The following CDH12 variants were observed in gnomAD, a reference collection of about 807,000 sequenced individuals.
The protein encoded by CDH12 is cadherin-12.
CDH12 carries 41 observed loss-of-function variants against 74.1 expected under a neutral mutation model. The ratio of observed to expected loss-of-function variants is 0.55; its 90% CI spans 0.43 to 0.72. The LOEUF is 0.72. Among genes scored for constraint, CDH12 ranks in the 30% least tolerant of loss-of-function variants. The probability of loss-of-function intolerance (pLI) is 0.00; values close to 1 mark genes in which losing one functional copy is unlikely to be tolerated. For synonymous variants in CDH12, 399 were observed against 355.0 expected, an observed-to-expected ratio of 1.12 and a Z score of -1.39; for missense variants, 945 against 977.2, an observed-to-expected ratio of 0.97 and a Z score of 0.44.
At chr5:22,805,470 G>T (rs1441288204) in intron 1 of CDH12, among the ~76,000 whole-genome samples, 1 of 151,948 alleles carries the variant, frequency 6.6e-6, no homozygotes, top group African/African-American at 2.4e-5. Flanking sequence ...TTGAGAAATA[G>T]TATATAGAAA....
intron 1 of CDH12, among the ~76,000 whole-genome samples, chr5:22,772,858 A>C (rs1005313459): frequency 6.6e-6 from 1 of 152,054 alleles, no homozygotes; most frequent in African/African-American, 2.4e-5. Context: ...CTTAGAAAGA[A>C]TCCTAATGAA....
At chr5:22,743,411 G>A (rs1367682778) in intron 1 of CDH12, among the ~76,000 whole-genome samples, 1 of 151,596 alleles carries the variant, frequency 6.6e-6, no homozygotes, top group Non-Finnish European at 1.5e-5. Flanking sequence ...TCCTGGCTGG[G>A]GGAAGCAGTA....
At chr5:22,282,527 G>C (rs1229188581) in intron 3 of CDH12, among the ~76,000 whole-genome samples, 1 of 151,404 alleles carries the variant, frequency 6.6e-6, no homozygotes, top group East Asian at 2.0e-4. Context: ...GAATCTACAA[G>C]GAACTTAAAT....
intron 1 of CDH12, among the ~76,000 whole-genome samples, chr5:22,685,155 A>G (rs1360298435): frequency 6.6e-6 from 1 of 152,174 alleles, no homozygotes; most frequent in East Asian, 1.9e-4. Context: ...ATTAACGTGT[A>G]CAATTATTTG....
At chr5:21,834,937 G>T (rs1056849204) in intron 8 of CDH12, among the ~76,000 whole-genome samples, 1 of 151,836 alleles carries the variant, frequency 6.6e-6, no homozygotes, top group African/African-American at 2.4e-5. Context: ...CACAGTACTT[G>T]CTACCATCTT....
intron 1 of CDH12, among the ~76,000 whole-genome samples, chr5:22,792,146 T>C (rs1208602190): frequency 6.7e-6 from 1 of 149,156 alleles, no homozygotes; most frequent in African/African-American, 2.5e-5. Flanking sequence ...TGGAGTGCAG[T>C]CGCATAATCT....
At chr5:22,776,878 T>TTAAGA (rs1324264577) in intron 1 of CDH12, among the ~76,000 whole-genome samples, 1 of 152,172 alleles carries the variant, frequency 6.6e-6, no homozygotes, top group African/African-American at 2.4e-5. Flanking sequence ...ACACCACCAA[T>TTAAGA]TAAGATAAGT....
chr5:21,857,211 T>C (rs533368550), intron 6 of CDH12, among the ~76,000 whole-genome samples: 3 of 151,996 alleles, frequency 2.0e-5, no homozygotes, highest in South Asian at 2.1e-4. Flanking sequence ...GAGGTTGTGG[T>C]TGGGGCATGT....
chr5:21,971,199 A>T (rs1210012797), intron 6 of CDH12, among the ~76,000 whole-genome samples: 2 of 152,128 alleles, frequency 1.3e-5, no homozygotes, highest in Non-Finnish European at 2.9e-5. Context: ...ATCATCTGAG[A>T]TTGAAAGCTA....
chr5:21,880,339 G>A (rs888766910), intron 6 of CDH12, among the ~76,000 whole-genome samples: 1 of 152,170 alleles, frequency 6.6e-6, no homozygotes, highest in African/African-American at 2.4e-5. Context: ...CTGGAGTCAT[G>A]CTTATGTCTT....
At chr5:22,605,083 C>G (rs981250027) in intron 1 of CDH12, among the ~76,000 whole-genome samples, 2 of 152,124 alleles carry the variant, frequency 1.3e-5, no homozygotes, top group Non-Finnish European at 2.9e-5. Context: ...AGACTACCCT[C>G]TATAATTTGA....
intron 1 of CDH12, among the ~76,000 whole-genome samples, chr5:22,746,624 AC>A (rs1437926489): frequency 6.6e-6 from 1 of 152,244 alleles, no homozygotes; most frequent in Non-Finnish European, 1.5e-5. Flanking sequence ...ATTTAAAACC[AC>A]ATGTAAATGA....
chr5:22,564,259 C>T (rs905266894), intron 1 of CDH12, among the ~76,000 whole-genome samples: 1 of 152,156 alleles, frequency 6.6e-6, no homozygotes, highest in Non-Finnish European at 1.5e-5. Context: ...TTACCTGAAA[C>T]TATTTTGGAG....
At chr5:22,587,375 C>G (rs1411369281) in intron 1 of CDH12, among the ~76,000 whole-genome samples, 1 of 152,124 alleles carries the variant, frequency 6.6e-6, no homozygotes, top group Non-Finnish European at 1.5e-5. Flanking sequence ...ATTACCTAGT[C>G]TCTGGAGTTC....
intron 6 of CDH12, among the ~76,000 whole-genome samples, chr5:21,867,817 T>A (rs182745716): frequency 6.6e-6 from 1 of 152,190 alleles, no homozygotes. Context: ...TGGGAAAGCA[T>A]GATTGGCTTT....
chr5:22,760,451 C>T (rs1432490380), intron 1 of CDH12, among the ~76,000 whole-genome samples: 24 of 152,010 alleles, frequency 1.6e-4, no homozygotes, highest in African/African-American at 4.8e-4. Flanking sequence ...GAGGCCGAGG[C>T]GGGTGGATCA....
intron 3 of CDH12, among the ~76,000 whole-genome samples, chr5:22,403,478 T>G (rs998030679): frequency 2.0e-5 from 3 of 152,204 alleles, no homozygotes; most frequent in Non-Finnish European, 4.4e-5. Flanking sequence ...ATTGATTCAT[T>G]TAGTTTGTGG....
intron 2 of CDH12, among the ~76,000 whole-genome samples, chr5:22,485,278 C>T (rs1004720418): frequency 6.6e-6 from 1 of 152,096 alleles, no homozygotes; most frequent in Non-Finnish European, 1.5e-5. Context: ...AATTCCTGGG[C>T]TCAAGTGATC....
At chr5:22,536,734 G>A (rs763352285) in intron 1 of CDH12, among the ~76,000 whole-genome samples, 2 of 152,280 alleles carry the variant, frequency 1.3e-5, no homozygotes, top group Non-Finnish European at 1.5e-5. Flanking sequence ...AACTAGTGGT[G>A]AACAGCTCAA....
Sources: allele counts gnomAD v4.1 joint callset (sites outside exome capture counted in the v4.1 genomes callset), GRCh38; gene constraint gnomAD v4.1.1; transcripts MANE v1.5; gene names NCBI Gene and HGNC (gene_info 2026-07-23, HGNC 2026-07-21).